MAGI2: variants seen among roughly 807,000 people sequenced by gnomAD.
The protein encoded by MAGI2 is membrane associated guanylate kinase, WW and PDZ domain containing 2.
MAGI2 carries 35 observed loss-of-function variants against 133.3 expected under a neutral mutation model. That is an observed-to-expected ratio of 0.26 (90% confidence interval 0.20 to 0.35). The LOEUF is 0.35. MAGI2 is among the 10% of genes least tolerant of loss of function. MAGI2 has a pLI of 1.00. For synonymous variants in MAGI2, 729 were observed against 710.6 expected (o/e 1.03, Z -0.41); for missense variants, 1,636 against 1,863.4 (o/e 0.88, Z 2.25).
chr7:78,508,067 A>AGCCCATGGCAAGC (rs2150547489), intron 4 of MAGI2, among the ~76,000 whole-genome samples: 1 of 152,308 alleles, frequency 6.6e-6, no homozygotes, highest in South Asian at 2.1e-4. Flanking sequence ...TGGCAACATA[A>AGCCCATGGCAAGC]TTGCAGTCTT....
At chr7:78,759,853 G>A (rs1480925634) in intron 2 of MAGI2, among the ~76,000 whole-genome samples, 1 of 152,102 alleles carries the variant, frequency 6.6e-6, no homozygotes, top group African/African-American at 2.4e-5. Context: ...AGGAGGCTGG[G>A]GATGGTGGCT....
chr7:78,739,679 G>A (rs1342198385), intron 2 of MAGI2, among the ~76,000 whole-genome samples: 1 of 152,082 alleles, frequency 6.6e-6, no homozygotes, highest in African/African-American at 2.4e-5. Flanking sequence ...GGGCTTAAAC[G>A]GTGTTTTCTT....
chr7:79,099,576 A>G (rs1199270185), intron 1 of MAGI2, among the ~76,000 whole-genome samples: 1 of 152,192 alleles, frequency 6.6e-6, no homozygotes, highest in East Asian at 1.9e-4. Context: ...TTCACCACTC[A>G]GGTAATAAAC....
chr7:78,126,533 CTT>C (rs1463858644), intron 19 of MAGI2, among the ~76,000 whole-genome samples: 1 of 152,210 alleles, frequency 6.6e-6, no homozygotes, highest in Non-Finnish European at 1.5e-5. Context: ...GGTCTAGACT[CTT>C]TTCATAAATG....
At chr7:78,643,957 T>C (rs1440624966) in intron 2 of MAGI2, among the ~76,000 whole-genome samples, 1 of 152,048 alleles carries the variant, frequency 6.6e-6, no homozygotes, top group Non-Finnish European at 1.5e-5. Flanking sequence ...TTACTTTAAA[T>C]ATAATAATGC....
chr7:78,956,189 GA>G (rs2115668018), intron 2 of MAGI2, among the ~76,000 whole-genome samples: 1 of 152,214 alleles, frequency 6.6e-6, no homozygotes, highest in African/African-American at 2.4e-5. Context: ...TGCAATGTCT[GA>G]AACCAGGAGG....
chr7:78,309,500 A>C (rs1365632481), intron 9 of MAGI2, among the ~76,000 whole-genome samples: 1 of 152,146 alleles, frequency 6.6e-6, no homozygotes, highest in East Asian at 1.9e-4. Context: ...GTATACATGG[A>C]CGCAAAGAGG....
At chr7:78,735,936 G>A (rs1033160245) in intron 2 of MAGI2, among the ~76,000 whole-genome samples, 13 of 152,142 alleles carry the variant, frequency 8.5e-5, no homozygotes, top group Non-Finnish European at 1.5e-4. Flanking sequence ...GTAATAGGGA[G>A]GAAATAGGTT....
chr7:78,285,144 C>T (rs1796016236), intron 9 of MAGI2, among the ~76,000 whole-genome samples: 1 of 152,044 alleles, frequency 6.6e-6, no homozygotes, highest in African/African-American at 2.4e-5. Flanking sequence ...TGGATTCACA[C>T]ACACAGATGC....
intron 1 of MAGI2, among the ~76,000 whole-genome samples, chr7:79,282,669 T>C (rs1349972149): frequency 6.6e-6 from 1 of 152,090 alleles, no homozygotes; most frequent in African/African-American, 2.4e-5. Flanking sequence ...GAAGAGTCTC[T>C]CAGGCATGAA....
intron 2 of MAGI2, among the ~76,000 whole-genome samples, chr7:78,751,548 A>G (rs1823461441): frequency 1.3e-5 from 2 of 152,250 alleles, no homozygotes; most frequent in Admixed American, 6.5e-5. Context: ...GCAATGAAAT[A>G]TGATGGCTAC....
chr7:79,453,277 AC>A lies in MAGI2; in HGVS notation c.43del (p.Val15SerfsTer18). ...GTTCCTGCCAATGACACTCTCATGG[AC>A]TTTGCTAGTCCAGTGGCTTTTCTTT... ...LKKKSHWTSK[V>X]HESVIGRNPE... is the part of the protein sequence containing the mutation. On this transcript the variant is annotated frameshift_variant, in exon 1 of 22. Coordinates refer to ENST00000354212, the MANE Select transcript of MAGI2 (RefSeq NM_012301.4). LOFTEE classifies it high-confidence loss of function. The A allele has an allele frequency of 1.9e-6, 3 of 1,613,908 alleles. No individual in the cohort carries two copies. Among genetic ancestry groups the A allele is most frequent in the Non-Finnish European group, 2.5e-6 (3 of 1,180,004 alleles).
chr7:78,756,115 GAT>G (rs149754378), intron 2 of MAGI2, among the ~76,000 whole-genome samples: 8,423 of 152,136 alleles, frequency 0.055, 269 homozygotes, highest in Non-Finnish European at 0.067. Flanking sequence ...TCTCAAACAA[GAT>G]ATATATCAGG....
At chr7:78,292,020 C>T (rs976155717) in intron 9 of MAGI2, among the ~76,000 whole-genome samples, 2 of 152,126 alleles carry the variant, frequency 1.3e-5, no homozygotes, top group African/African-American at 4.8e-5. Flanking sequence ...TGAAAACTGG[C>T]ACAAGACAGG....
chr7:79,061,345 C>G lies in MAGI2; in HGVS notation c.302-54139G>C, dbSNP rs189958493. Among the ~76,000 whole-genome samples the G allele has an allele frequency of 5.3e-5, 8 of 151,230 alleles. No individual in the cohort carries two copies. The East Asian group carries it at 9.7e-4, about 18-fold the overall frequency. Reference sequence around the variant, plus strand: ...CTCGGGCCTTTCATTATATGACACTCGTTTCCTGTATTCAAGCTCAACGAG... The same window carrying G: ...CTCGGGCCTTTCATTATATGACACTGGTTTCCTGTATTCAAGCTCAACGAG... On this transcript the variant is annotated intron_variant, in intron 1 of 21. Coordinates refer to ENST00000354212, the MANE Select transcript of MAGI2 (RefSeq NM_012301.4).
At chr7:79,185,786 G>A (rs982799231) in intron 1 of MAGI2, among the ~76,000 whole-genome samples, 5 of 151,722 alleles carry the variant, frequency 3.3e-5, no homozygotes, top group African/African-American at 1.2e-4. Flanking sequence ...CTTCTTAAAT[G>A]AGAAAGAAAA....
intron 2 of MAGI2, among the ~76,000 whole-genome samples, chr7:78,715,111 G>A (rs1176898207): frequency 2.0e-5 from 3 of 152,160 alleles, no homozygotes; most frequent in Non-Finnish European, 4.4e-5. Context: ...TTAATCAAAT[G>A]GGAATTGATT....
At chr7:79,258,523 GC>G (rs1400304380) in intron 1 of MAGI2, among the ~76,000 whole-genome samples, 1 of 152,140 alleles carries the variant, frequency 6.6e-6, no homozygotes, top group Non-Finnish European at 1.5e-5. Flanking sequence ...TTCACTTTCA[GC>G]TAAGTTATTG....
In MAGI2 at chr7:78,780,224, C is replaced by T. The variant is rs185473835; in HGVS notation, c.419-152985G>A. ...TTTTGTAGAGTAAATATGCCCATTACGGCAAATTTCAAGCTATCAAGTTAA... is the reference window on the plus strand; with the variant it reads ...TTTTGTAGAGTAAATATGCCCATTATGGCAAATTTCAAGCTATCAAGTTAA... On this transcript the variant is annotated intron_variant, in intron 2 of 21. Transcript: ENST00000354212. Among the ~76,000 whole-genome samples the T allele has an allele frequency of 7.6e-4, 115 of 152,242 alleles. 1 individual carries two copies. Among genetic ancestry groups the T allele is most frequent in the Non-Finnish European group, 1.3e-3 (89 of 68,012 alleles).
Sources: allele counts gnomAD v4.1 joint callset (sites outside exome capture counted in the v4.1 genomes callset), GRCh38; gene constraint gnomAD v4.1.1; transcripts MANE v1.5; gene names NCBI Gene and HGNC (gene_info 2026-07-23, HGNC 2026-07-21).